LBH: variants seen among roughly 807,000 people sequenced by gnomAD.
LBH encodes protein LBH.
A neutral mutation model predicts 12.5 loss-of-function variants in LBH; 7 were observed. The ratio of observed to expected loss-of-function variants is 0.56; its 90% CI spans 0.32 to 1.05. The LOEUF is 1.05. LBH is among the 50% of genes least tolerant of loss of function. LBH has a pLI of 0.04. For missense variants in LBH, 119 were observed against 138.9 expected (o/e 0.86, Z 0.72); for synonymous variants, 51 against 50.1 (o/e 1.02, Z -0.08).
intron 2 of LBH, among the ~76,000 whole-genome samples, chr2:30,247,395 G>A (rs1404471862): frequency 2.0e-5 from 3 of 152,176 alleles, no homozygotes; most frequent in Admixed American, 2.0e-4. Context: ...GGCTCATGGT[G>A]GCTGATACAA....
chr2:30,256,568 A>T (rs1678088707), intron 2 of LBH: 1 of 151,990 alleles, frequency 6.6e-6, no homozygotes, highest in Non-Finnish European at 1.5e-5. Flanking sequence ...CCCAGACTGG[A>T]GTCCAGTGGC....
At chr2:30,257,363 G>T (rs1016887044) in intron 2 of LBH, 70 bp from the exon 3 acceptor site, 2 of 1,554,390 alleles carry the variant, frequency 1.3e-6, no homozygotes. Context: ...ACATGGATGT[G>T]CAAAGAAGGA....
At chr2:30,244,964 G>C (rs763170091) in intron 2 of LBH, among the ~76,000 whole-genome samples, 1 of 152,144 alleles carries the variant, frequency 6.6e-6, no homozygotes, top group African/African-American at 2.4e-5. Flanking sequence ...ATAATTATTT[G>C]TGATATGTTT....
At chr2:30,256,389 C>G (rs1288815253) in intron 2 of LBH, 1 of 152,218 alleles carries the variant, frequency 6.6e-6, no homozygotes, top group Non-Finnish European at 1.5e-5. Context: ...TGTTCCCAGC[C>G]TGCCTGTGAC....
At chr2:30,251,215 C>T (rs1294264893) in intron 2 of LBH, among the ~76,000 whole-genome samples, 2 of 151,902 alleles carry the variant, frequency 1.3e-5, no homozygotes, top group African/African-American at 4.8e-5. Context: ...CCACCCGTGC[C>T]TGGCCAATTT....
intron 2 of LBH, among the ~76,000 whole-genome samples, chr2:30,238,774 G>A (rs1359142504): frequency 6.6e-6 from 1 of 152,142 alleles, no homozygotes; most frequent in Non-Finnish European, 1.5e-5. Context: ...TTGAGAGGTG[G>A]TCTGAAGGAC....
intron 2 of LBH, among the ~76,000 whole-genome samples, chr2:30,235,252 C>T (rs985677846): frequency 1.3e-5 from 2 of 152,122 alleles, no homozygotes; most frequent in African/African-American, 4.8e-5. Context: ...CTGCAGTTCC[C>T]TCTGGGCTGT....
intron 2 of LBH, chr2:30,256,499 A>C (rs1476181144): frequency 6.6e-6 from 1 of 152,052 alleles, no homozygotes; most frequent in Non-Finnish European, 1.5e-5. Context: ...GGGGCAGGGG[A>C]ATCGAACATA....
In LBH at chr2:30,257,839, G is replaced by A; in HGVS notation, c.*218G>A. On this transcript the variant is annotated 3_prime_UTR_variant, in exon 3 of 3. Coordinates refer to ENST00000395323, the MANE Select transcript of LBH (RefSeq NM_030915.4). Reference sequence around the variant, plus strand: ...GAGCAGTGGAGCCCTCTGACAATTTGCAAGGCCCTCTGAGAAAGGAAGCTG... The same window carrying A: ...GAGCAGTGGAGCCCTCTGACAATTTACAAGGCCCTCTGAGAAAGGAAGCTG... The A allele has an allele frequency of 2.5e-6, 1 of 397,586 alleles. No individual in the cohort carries two copies. The highest frequency in any genetic ancestry group is 4.4e-6 in the Non-Finnish European group (1 of 227,414). 24.6% of individuals were successfully genotyped at this position (397,586 alleles called of 1,614,324 possible).
At chr2:30,257,238 G>C (rs1678100407) in intron 2 of LBH, among the ~76,000 whole-genome samples, 195 bp from the exon 3 acceptor site, 1 of 152,190 alleles carries the variant, frequency 6.6e-6, no homozygotes, top group African/African-American at 2.4e-5. Context: ...GTCTGACTGA[G>C]GGACAGTTTC....
intron 2 of LBH, among the ~76,000 whole-genome samples, chr2:30,253,962 C>T (rs778132409): frequency 1.3e-5 from 2 of 152,158 alleles, no homozygotes; most frequent in East Asian, 3.8e-4. Context: ...ATCAAGTGAA[C>T]GCTTCATTTG....
At chr2:30,255,282 AG>A (rs1678061166) in intron 2 of LBH, among the ~76,000 whole-genome samples, 1 of 144,136 alleles carries the variant, frequency 6.9e-6, no homozygotes, top group South Asian at 2.2e-4. Context: ...GCACCCAAAA[AG>A]CCCACGTGGC....
At chr2:30,232,348 C>T in intron 1 of LBH, 3 of 1,149,952 alleles carry the variant, frequency 2.6e-6, no homozygotes, top group Non-Finnish European at 2.3e-6. Flanking sequence ...CCCTAAAAAC[C>T]GACGCACATT....
rs1678144821 is a variant in LBH, at chr2:30,259,197, TTAA to T, written c.*1579_*1581del. 1 of 152,864 alleles carries T rather than the reference TTAA, an allele frequency of 6.5e-6. No homozygotes were observed. The highest frequency in any genetic ancestry group is 1.5e-5 in the Non-Finnish European group (1 of 68,170). 9.5% of individuals were successfully genotyped at this position (152,864 alleles called of 1,614,324 possible). On this transcript the variant is annotated 3_prime_UTR_variant, in exon 3 of 3. Transcript: ENST00000395323. ...TCTGGACGTGTGTATATAGCTGTAT[TTAA>T]TACCTCAAGGTCATTGTGGCTCTGG...
chr2:30,232,211 G>T, intron 1 of LBH: 1 of 1,398,172 alleles, frequency 7.2e-7, no homozygotes, highest in South Asian at 1.2e-5. Flanking sequence ...GAGCTGGTGC[G>T]GCCGCAGGGT....
At chr2:30,236,081 C>T (rs1222637174) in intron 2 of LBH, among the ~76,000 whole-genome samples, 1 of 152,204 alleles carries the variant, frequency 6.6e-6, no homozygotes, top group African/African-American at 2.4e-5. Context: ...TTTGTGGTTA[C>T]AGGTGAGGTT....
intron 2 of LBH, among the ~76,000 whole-genome samples, chr2:30,238,813 G>A (rs1462667765): frequency 1.3e-5 from 2 of 151,846 alleles, no homozygotes; most frequent in Non-Finnish European, 2.9e-5. Flanking sequence ...AGCCTTTCCC[G>A]GCACAAGATC....
intron 2 of LBH, among the ~76,000 whole-genome samples, chr2:30,248,721 A>G (rs1379827033): frequency 6.6e-6 from 1 of 152,238 alleles, no homozygotes; most frequent in East Asian, 1.9e-4. Context: ...CCCCGGAGAA[A>G]AAAGTTCTCT....
intron 2 of LBH, among the ~76,000 whole-genome samples, chr2:30,237,844 G>A (rs1677714908): frequency 6.6e-6 from 1 of 152,180 alleles, no homozygotes; most frequent in South Asian, 2.1e-4. Flanking sequence ...CACCCTGTGG[G>A]GTGGGTGAGT....
Sources: allele counts gnomAD v4.1 joint callset (sites outside exome capture counted in the v4.1 genomes callset), GRCh38; gene constraint gnomAD v4.1.1; transcripts MANE v1.5; gene names NCBI Gene and HGNC (gene_info 2026-07-23, HGNC 2026-07-21).